Variants in DLGAP2 observed in about 807,000 individuals in gnomAD.
The protein encoded by DLGAP2 is DLG associated protein 2, also known as disks large-associated protein 2.
In DLGAP2, 26 loss-of-function variants were observed where a neutral mutation model predicts 100.3. That is an observed-to-expected ratio of 0.26 (90% CI 0.19 to 0.36). The LOEUF is 0.36. Ranked by LOEUF, DLGAP2 falls within the 10% of genes least tolerant of loss-of-function variation. The probability of loss-of-function intolerance (pLI) is 1.00; values close to 1 mark genes in which losing one functional copy is unlikely to be tolerated. For synonymous variants in DLGAP2, 886 were observed against 630.1 expected, an observed-to-expected ratio of 1.41 and a Z score of -6.08; for missense variants, 1,858 against 1,453.2, an observed-to-expected ratio of 1.28 and a Z score of -4.53.
At chr8:1,343,990 C>A (rs562326715) in intron 3 of DLGAP2, among the ~76,000 whole-genome samples, 1 of 152,272 alleles carries the variant, frequency 6.6e-6, no homozygotes, top group Admixed American at 6.5e-5. Context: ...AGGAGACCTG[C>A]ATTTACCAAC....
chr8:1,593,998 C>T (rs1406354943), intron 6 of DLGAP2, among the ~76,000 whole-genome samples: 1 of 152,152 alleles, frequency 6.6e-6, no homozygotes, highest in African/African-American at 2.4e-5. Context: ...TAGGGGAGGA[C>T]AGAGATGACA....
At chr8:1,179,217 G>T (rs1316272928) in intron 2 of DLGAP2, among the ~76,000 whole-genome samples, 1 of 152,234 alleles carries the variant, frequency 6.6e-6, no homozygotes, top group Non-Finnish European at 1.5e-5. Context: ...TCTCCACTTT[G>T]CAATTTGGGA....
At chr8:1,191,455 C>A (rs1285980786) in intron 2 of DLGAP2, among the ~76,000 whole-genome samples, 2 of 152,176 alleles carry the variant, frequency 1.3e-5, no homozygotes, top group Non-Finnish European at 2.9e-5. Context: ...TAGGCGTGAG[C>A]CACCGCGCCC....
At chr8:1,494,042 C>CGGG (rs372804379) in intron 3 of DLGAP2, among the ~76,000 whole-genome samples, 23 of 98,204 alleles carry the variant, frequency 2.3e-4, no homozygotes, top group African/African-American at 7.7e-4. Flanking sequence ...CATTCTGCAT[C>CGGG]GGGGGGGGCA....
At chr8:1,367,549 A>G (rs748524467) in intron 3 of DLGAP2, among the ~76,000 whole-genome samples, 11 of 152,370 alleles carry the variant, frequency 7.2e-5, no homozygotes, top group Middle Eastern at 3.4e-3. Context: ...GGACAGTGGG[A>G]TCGTTGTCAC....
intron 7 of DLGAP2, among the ~76,000 whole-genome samples, chr8:1,630,619 G>A (rs557791057): frequency 1.3e-5 from 2 of 152,044 alleles, no homozygotes; most frequent in South Asian, 2.1e-4. Flanking sequence ...GGAGAATGGC[G>A]TGAATCCGGG....
At chr8:1,201,369 G>T (rs970661562) in intron 2 of DLGAP2, among the ~76,000 whole-genome samples, 7 of 152,182 alleles carry the variant, frequency 4.6e-5, no homozygotes, top group African/African-American at 1.4e-4. Context: ...GGGGCAGGGG[G>T]CTCCCCCTTC....
At chr8:1,134,971 A>G (rs2129049637) in intron 2 of DLGAP2, among the ~76,000 whole-genome samples, 1 of 152,320 alleles carries the variant, frequency 6.6e-6, no homozygotes, top group South Asian at 2.1e-4. Flanking sequence ...AATAGAATCA[A>G]TATCAAACTC....
chr8:878,613 C>A (rs961184173), intron 1 of DLGAP2, among the ~76,000 whole-genome samples: 1 of 151,988 alleles, frequency 6.6e-6, no homozygotes, highest in East Asian at 1.9e-4. Flanking sequence ...AGGCTTGGTC[C>A]CCAGTGTAAT....
intron 1 of DLGAP2, among the ~76,000 whole-genome samples, chr8:873,392 C>A (rs899517638): frequency 1.3e-5 from 2 of 152,206 alleles, no homozygotes; most frequent in Non-Finnish European, 2.9e-5. Flanking sequence ...AACCAACATC[C>A]TTGTCTTGTT....
At chr8:797,734 GTGTTT>G (rs1796064483) in intron 1 of DLGAP2, among the ~76,000 whole-genome samples, 1 of 152,030 alleles carries the variant, frequency 6.6e-6, no homozygotes, top group Admixed American at 6.6e-5. Context: ...TCAGTCTTTT[GTGTTT>G]TGTTTTATTT....
At position 1,524,429 on chromosome 8, in the gene DLGAP2, C is replaced by T. The variant is rs376847844; in HGVS notation, c.172+22998C>T. Among the ~76,000 whole-genome samples the T allele has an allele frequency of 4.7e-4, 72 of 152,278 alleles. 1 individual carries two copies. The South Asian group carries it at 5.2e-3, about 11-fold the overall frequency. The stretch of plus-strand genomic sequence containing the variant: ...ACTGAAATGCTCCCTGTAGAGTCAG[C>T]TTGGGCAGCCCTAACTAAGGAGCCC... On this transcript the variant is annotated intron_variant, in intron 4 of 14. Transcript: ENST00000637795.
intron 9 of DLGAP2, 97 bp downstream of exon 9, chr8:1,668,775 G>C (rs1291547445): frequency 4.4e-6 from 5 of 1,133,600 alleles, no homozygotes; most frequent in Admixed American, 5.7e-5. Flanking sequence ...TGGGTCCTTA[G>C]CACTGACTGT....
At chr8:1,653,884 G>T (rs1798223619) in intron 8 of DLGAP2, among the ~76,000 whole-genome samples, 1 of 152,206 alleles carries the variant, frequency 6.6e-6, no homozygotes. Context: ...GTGTAAGTCA[G>T]AGGTAACACG....
chr8:1,533,742 C>G (rs1192432996), intron 4 of DLGAP2, among the ~76,000 whole-genome samples: 3 of 151,984 alleles, frequency 2.0e-5, no homozygotes, highest in African/African-American at 7.3e-5. Context: ...TCAATAGTAC[C>G]TTAAAAATAC....
At chr8:1,663,438 C>T (rs542404716) in intron 8 of DLGAP2, among the ~76,000 whole-genome samples, 15 of 152,190 alleles carry the variant, frequency 9.9e-5, no homozygotes, top group Non-Finnish European at 1.3e-4. Flanking sequence ...TGCTTATCTC[C>T]GCTTCGTGGG....
chr8:930,692 G>C (rs1292490443), intron 2 of DLGAP2, among the ~76,000 whole-genome samples: 2 of 150,882 alleles, frequency 1.3e-5, no homozygotes, highest in Non-Finnish European at 3.0e-5. Flanking sequence ...GGTGTGCGGG[G>C]ATTGGGAGCC....
intron 2 of DLGAP2, among the ~76,000 whole-genome samples, chr8:1,093,337 ACAGAAACACCTTCACACCAACAGC>A (rs1397694298): frequency 0.057 from 8,616 of 150,992 alleles, 800 homozygotes; most frequent in African/African-American, 0.2. Context: ...CAACAGCCAG[ACAGAAACACCTTCACACCAACAGC>A]CAGAAACACC....
In DLGAP2 at chr8:1,695,154, G is replaced by A. The variant is rs563862080; in HGVS notation, c.2797-1993G>A. On this transcript the variant is annotated intron_variant, in intron 13 of 14. Coordinates refer to ENST00000637795, the MANE Select transcript of DLGAP2 (RefSeq NM_001346810.2). ...TGACCAGGACCACCCAGCTGCGGGCGAGGGAGGAGAAGCCACTCCGCTTCC... is the reference window on the plus strand; with the variant it reads ...TGACCAGGACCACCCAGCTGCGGGCAAGGGAGGAGAAGCCACTCCGCTTCC... Among the ~76,000 whole-genome samples, 274 of 152,364 alleles carry A rather than the reference G, an allele frequency of 1.8e-3. 2 individuals are homozygous for A. Among genetic ancestry groups the A allele is most frequent in the African/African-American group, 5.8e-3 (240 of 41,594 alleles).
Sources: allele counts gnomAD v4.1 joint callset (sites outside exome capture counted in the v4.1 genomes callset), GRCh38; gene constraint gnomAD v4.1.1; transcripts MANE v1.5; gene names NCBI Gene and HGNC (gene_info 2026-07-23, HGNC 2026-07-21).